SGCD: variants seen among roughly 807,000 people sequenced by gnomAD.
SGCD encodes sarcoglycan delta.
Under a neutral mutation model 36.6 loss-of-function variants are expected in SGCD, and 18 were observed. The ratio of observed to expected loss-of-function variants is 0.49; its 90% CI spans 0.34 to 0.73. The LOEUF (loss-of-function observed/expected upper bound fraction) is 0.73, where lower values mean the gene tolerates loss of function less well. Ranked by LOEUF, SGCD falls within the 30% of genes least tolerant of loss-of-function variation. The probability of loss-of-function intolerance (pLI) is 0.01; values close to 1 mark genes in which losing one functional copy is unlikely to be tolerated. For synonymous variants in SGCD, 133 were observed against 130.6 expected, an observed-to-expected ratio of 1.02 and a Z score of -0.12; for missense variants, 387 against 346.7, an observed-to-expected ratio of 1.12 and a Z score of -0.92.
intron 1 of SGCD, among the ~76,000 whole-genome samples, chr5:156,108,892 G>T (rs1425970169): frequency 6.6e-6 from 1 of 152,098 alleles, no homozygotes; most frequent in Non-Finnish European, 1.5e-5. Context: ...TACATAAAGA[G>T]TCCATAGAGT....
intron 3 of SGCD, among the ~76,000 whole-genome samples, chr5:156,381,913 T>C (rs1771000892): frequency 6.6e-6 from 1 of 152,218 alleles, no homozygotes; most frequent in Non-Finnish European, 1.5e-5. Context: ...ATTCCTCCTA[T>C]GGGTGTTAGA....
chr5:156,321,452 CAAAT>C (rs895000354), intron 3 of SGCD, among the ~76,000 whole-genome samples: 11 of 139,260 alleles, frequency 7.9e-5, no homozygotes, highest in Non-Finnish European at 1.7e-4. Flanking sequence ...AATAAATAAA[CAAAT>C]AAATAAAAAA....
chr5:156,755,774 A>G (rs1013459633), intron 7 of SGCD, among the ~76,000 whole-genome samples: 2 of 152,202 alleles, frequency 1.3e-5, no homozygotes, highest in Non-Finnish European at 2.9e-5. Flanking sequence ...ATAGAAACTC[A>G]GGCCAATCCT....
At position 156,005,503 on chromosome 5, in the gene SGCD, T is replaced by G. The variant is rs552770739; in HGVS notation, c.-281-112375T>G. On this transcript the variant is annotated intron_variant, in intron 1 of 9. Transcript: ENST00000517913. ...TCTCGCTCAGTCGCCCAGGCTGGAG[T>G]GCAGTGGCGTGATCTTGGCTCACTG... Among the ~76,000 whole-genome samples the G allele has an allele frequency of 1.4e-4, 21 of 152,154 alleles. No individual in the cohort carries two copies. The South Asian group carries it at 4.4e-3, about 32-fold the overall frequency.
chr5:156,313,734 T>C (rs982318256), intron 3 of SGCD, among the ~76,000 whole-genome samples: 10 of 152,086 alleles, frequency 6.6e-5, no homozygotes, highest in African/African-American at 2.4e-4. Flanking sequence ...ACTAGGATCA[T>C]AGTCTGCTGA....
chr5:155,820,678 CA>C, the SGCD span, among the ~76,000 whole-genome samples: 1 of 151,970 alleles, frequency 6.6e-6, no homozygotes, highest in South Asian at 2.1e-4. Flanking sequence ...GCCTGAGTGA[CA>C]GAGTGAAATG....
chr5:156,454,578 T>C (rs1461459118), intron 3 of SGCD, among the ~76,000 whole-genome samples: 4 of 152,108 alleles, frequency 2.6e-5, no homozygotes, highest in African/African-American at 9.7e-5. Context: ...CAGCAAGAAA[T>C]CCTCTGGAGT....
At chr5:156,110,156 T>G (rs1581104319) in intron 1 of SGCD, among the ~76,000 whole-genome samples, 1 of 152,190 alleles carries the variant, frequency 6.6e-6, no homozygotes, top group Non-Finnish European at 1.5e-5. Flanking sequence ...CCAAGCCTCC[T>G]TGACTCAAAT....
intron 4 of SGCD, among the ~76,000 whole-genome samples, chr5:156,539,637 A>G (rs1758271353): frequency 6.6e-6 from 1 of 151,898 alleles, no homozygotes; most frequent in Admixed American, 6.6e-5. Context: ...TATATATCAT[A>G]TTTTCTTTAT....
rs115794334 is a variant in SGCD, at chr5:155,958,729, G to A, written c.-282+88305G>A. The stretch of plus-strand genomic sequence containing the variant: ...GTGACATTTAGAAAGTCCAAGCTTC[G>A]CTTTCTTCATCTGTGAGATGGGGAT... On this transcript the variant is annotated intron_variant, in intron 1 of 9. Transcript: ENST00000517913. Among the ~76,000 whole-genome samples, 291 of 152,214 alleles carry A rather than the reference G, an allele frequency of 1.9e-3. 2 individuals carry two copies. Among genetic ancestry groups the A allele is most frequent in the Non-Finnish European group, 2.9e-3 (199 of 67,990 alleles).
chr5:156,076,805 G>A (rs548158553), intron 1 of SGCD, among the ~76,000 whole-genome samples: 3 of 152,306 alleles, frequency 2.0e-5, no homozygotes, highest in Non-Finnish European at 4.4e-5. Context: ...CTGTGTTGTA[G>A]AGCTCCCAAA....
intron 1 of SGCD, among the ~76,000 whole-genome samples, chr5:155,959,551 T>C (rs1363355709): frequency 6.6e-6 from 1 of 152,164 alleles, no homozygotes; most frequent in Non-Finnish European, 1.5e-5. Context: ...CCTTATGTTA[T>C]GTTTCCTTGC....
At chr5:155,728,847 G>T in the SGCD span, among the ~76,000 whole-genome samples, 1 of 152,216 alleles carries the variant, frequency 6.6e-6, no homozygotes, top group Non-Finnish European at 1.5e-5. Flanking sequence ...CCACCCATGG[G>T]ATCGACTGCC....
At chr5:156,414,733 C>G (rs1772938866) in intron 3 of SGCD, among the ~76,000 whole-genome samples, 2 of 152,214 alleles carry the variant, frequency 1.3e-5, no homozygotes, top group African/African-American at 4.8e-5. Flanking sequence ...GGGAAATAAT[C>G]TGTTATTAAA....
intron 7 of SGCD, among the ~76,000 whole-genome samples, chr5:156,683,195 A>G (rs948683180): frequency 6.6e-6 from 1 of 152,218 alleles, no homozygotes; most frequent in Non-Finnish European, 1.5e-5. Flanking sequence ...ACCTGAGTGT[A>G]GGATTGTTCA....
At chr5:156,353,542 G>T (rs1025550354) in intron 3 of SGCD, among the ~76,000 whole-genome samples, 1 of 152,190 alleles carries the variant, frequency 6.6e-6, no homozygotes, top group Non-Finnish European at 1.5e-5. Flanking sequence ...GGGTGAAAGT[G>T]ATATTATTGG....
intron 6 of SGCD, among the ~76,000 whole-genome samples, chr5:156,613,076 C>T (rs1279833332): frequency 6.6e-6 from 1 of 152,180 alleles, no homozygotes; most frequent in South Asian, 2.1e-4. Flanking sequence ...TGCTTTGCTC[C>T]TCTCTCTGTG....
At chr5:156,325,288 T>C (rs1279952558), upstream of SGCD, among the ~76,000 whole-genome samples, 1 of 151,840 alleles carries the variant, frequency 6.6e-6, no homozygotes, top group African/African-American at 2.4e-5. Context: ...TCAAATACTT[T>C]ATTCTAGAAC....
At chr5:156,232,475 G>A (rs545516023) in intron 3 of SGCD, among the ~76,000 whole-genome samples, 25 of 152,240 alleles carry the variant, frequency 1.6e-4, no homozygotes, top group South Asian at 1.2e-3. Flanking sequence ...TCGAAAACCC[G>A]TCTTATATTT....
Sources: allele counts gnomAD v4.1 joint callset (sites outside exome capture counted in the v4.1 genomes callset), GRCh38; gene constraint gnomAD v4.1.1; transcripts MANE v1.5; gene names NCBI Gene and HGNC (gene_info 2026-07-23, HGNC 2026-07-21).